The following USP31 variants were observed in gnomAD, a reference collection of about 807,000 sequenced individuals.
The protein encoded by USP31 is ubiquitin specific peptidase 31.
Under a neutral mutation model 119.4 loss-of-function variants are expected in USP31, and 44 were observed. The observed-to-expected ratio is 0.37, with a 90% confidence interval of 0.29 to 0.47. The LOEUF (loss-of-function observed/expected upper bound fraction) is 0.47, where lower values mean the gene tolerates loss of function less well. Among genes scored for constraint, USP31 ranks in the 20% least tolerant of loss-of-function variants. The pLI, the probability that USP31 is intolerant of heterozygous loss-of-function variation, is 0.99. For synonymous variants in USP31, 749 were observed against 705.6 expected (o/e 1.06, Z -0.97); for missense variants, 1,643 against 1,730.2 (o/e 0.95, Z 0.89).
chr16:23,077,278 C>T (rs1364052121), intron 13 of USP31, among the ~76,000 whole-genome samples: 2 of 152,058 alleles, frequency 1.3e-5, no homozygotes, highest in Non-Finnish European at 2.9e-5. Context: ...TTGCTGCCTG[C>T]AGCATTTAAA....
chr16:23,091,942 T>A (rs1382188928), intron 6 of USP31, among the ~76,000 whole-genome samples: 1 of 152,192 alleles, frequency 6.6e-6, no homozygotes, highest in Non-Finnish European at 1.5e-5. Flanking sequence ...TAAACTCGTT[T>A]CCCAGGTTCT....
chr16:23,123,998 CAA>C (rs1383283115), intron 1 of USP31, among the ~76,000 whole-genome samples: 1 of 132,984 alleles, frequency 7.5e-6, no homozygotes. Context: ...GATTCTATCT[CAA>C]AAAAAAAAAG....
rs180742195 is a variant in USP31, at chr16:23,088,657, T to C, written c.1416-822A>G. Reference sequence around the variant, plus strand: ...ACCCTTCTGAGTCTAGGCTGTCTCCTACTCACTCATGTGAAGACCCAGTGG... The same window carrying C: ...ACCCTTCTGAGTCTAGGCTGTCTCCCACTCACTCATGTGAAGACCCAGTGG... On this transcript the variant is annotated intron_variant, in intron 7 of 15. Transcript: ENST00000219689. Among the ~76,000 whole-genome samples the C allele has an allele frequency of 5.3e-5, 8 of 152,316 alleles. No homozygotes were observed. In the East Asian group the frequency reaches 1.2e-3, roughly 22 times the overall value.
rs545242222 is a variant in USP31 at position 23,115,764 on chromosome 16, C to T, written c.634-7581G>A. ...ATAAAGTAAAAGGCAAAACACTTAC[C>T]GGGTTTTCAAGTTTCACAAAATTTC... is the stretch of plus-strand genomic sequence containing the variant. On this transcript the variant is annotated intron_variant, in intron 1 of 15. Coordinates refer to ENST00000219689, the MANE Select transcript of USP31 (RefSeq NM_020718.4). 104 of 984,254 alleles carry T rather than the reference C, an allele frequency of 1.1e-4. 1 individual carries two copies. The Middle Eastern group carries it at 1.6e-3, about 15-fold the overall frequency. 61.0% of individuals were successfully genotyped at this position (984,254 alleles called of 1,614,324 possible). A position where few individuals can be genotyped will look rare whatever the true frequency, so the allele number is the denominator to read the frequency against.
intron 13 of USP31, among the ~76,000 whole-genome samples, chr16:23,074,953 T>A (rs1900500005): frequency 6.6e-6 from 1 of 152,122 alleles, no homozygotes; most frequent in Non-Finnish European, 1.5e-5. Context: ...TGGAACAGAC[T>A]CAGGATGGCC....
chr16:23,069,274 A>T lies in USP31; in HGVS notation c.2831T>A (p.Val944Asp). 6.2e-7 allele frequency: 1 copy of T among 1,613,186 alleles called. No individual in the cohort carries two copies. Among genetic ancestry groups the T allele is most frequent in the Non-Finnish European group, 8.5e-7 (1 of 1,179,538 alleles). ...HKAVGRAPLA[V>D]MEGVFKDESD... ...TTCGTCTTTGAACACGCCTTCCATG[A>T]CAGCCAGAGGGGCCCGGCCCACAGC... The change falls in exon 16 of 16, where the codon GTC (valine) becomes GAC (aspartate). Residue 944 changes from valine (V) to aspartate (D), a missense_variant. Coordinates refer to ENST00000219689, the MANE Select transcript of USP31 (RefSeq NM_020718.4).
intron 1 of USP31, among the ~76,000 whole-genome samples, chr16:23,144,590 G>C (rs560999270): frequency 6.6e-6 from 1 of 151,738 alleles, no homozygotes; most frequent in African/African-American, 2.4e-5. Context: ...AGAGATTCTC[G>C]TGCCTCAGCC....
intron 6 of USP31, among the ~76,000 whole-genome samples, chr16:23,098,479 A>AGTTCATATGGAACCAAAAAAGCCCG (rs1261243269): frequency 2.6e-5 from 4 of 152,210 alleles, no homozygotes; most frequent in African/African-American, 9.7e-5. Flanking sequence ...ACTACTTCAA[A>AGTTCATATGGAACCAAAAAAGCCCG]GTTCATATGG....
At chr16:23,071,986 G>A (rs1900365057) in intron 15 of USP31, 59 bp downstream of exon 15, 1 of 1,554,296 alleles carries the variant, frequency 6.4e-7, no homozygotes, top group Non-Finnish European at 8.7e-7. Context: ...AAACACGAGG[G>A]ACTCTGCTGT....
chr16:23,087,062 A>G, intron 9 of USP31, 30 bp downstream of exon 9: 1 of 1,543,868 alleles, frequency 6.5e-7, no homozygotes. Flanking sequence ...TGAGATTCTA[A>G]AAGGTAATTT....
intron 12 of USP31, among the ~76,000 whole-genome samples, chr16:23,081,041 T>C (rs1375612665): frequency 6.6e-6 from 1 of 152,066 alleles, no homozygotes; most frequent in Non-Finnish European, 1.5e-5. Flanking sequence ...ATTGCAACAG[T>C]GACCAGCTGA....
rs374361058 is a variant in USP31, at chr16:23,068,787, G to A, written c.3318C>T (p.Ser1106=). ...KKESSPKSQD[S]VSSPSPQKQK... ...GCTTCTGTGGCGAAGGAGATGACAC[G>A]GAGTCCTGAGATTTCGGGGATGACT... Residue 1106 remains serine (S), a synonymous_variant, in exon 16 of 16, where the codon TCC becomes TCT. Coordinates refer to ENST00000219689, the MANE Select transcript of USP31 (RefSeq NM_020718.4). The A allele has an allele frequency of 4.6e-5, 72 of 1,568,658 alleles. No individual in the cohort carries two copies. Among genetic ancestry groups the A allele is most frequent in the Admixed American group, 7.5e-5 (4 of 53,458 alleles).
chr16:23,146,220 A>C (rs949456225), intron 1 of USP31, among the ~76,000 whole-genome samples: 2 of 131,926 alleles, frequency 1.5e-5, no homozygotes, highest in Non-Finnish European at 3.2e-5. Context: ...AATTGTAAGC[A>C]AAGAGGGGCA....
intron 1 of USP31, among the ~76,000 whole-genome samples, chr16:23,142,548 G>A (rs958429555): frequency 6.6e-6 from 1 of 152,202 alleles, no homozygotes; most frequent in Non-Finnish European, 1.5e-5. Flanking sequence ...TTGTGCACCA[G>A]CAGTGCAGGG....
intron 1 of USP31, among the ~76,000 whole-genome samples, chr16:23,110,866 C>T (rs1051193665): frequency 6.6e-6 from 1 of 152,178 alleles, no homozygotes; most frequent in Non-Finnish European, 1.5e-5. Flanking sequence ...CAGTGGCTCA[C>T]ACCTGTAATC....
intron 15 of USP31, among the ~76,000 whole-genome samples, chr16:23,070,483 G>A (rs776946867): frequency 3.9e-5 from 6 of 152,168 alleles, no homozygotes; most frequent in African/African-American, 4.8e-5. Flanking sequence ...GGAGGCTGAG[G>A]TGGGCAGATC....
At chr16:23,123,082 G>A (rs1902727930) in intron 1 of USP31, among the ~76,000 whole-genome samples, 1 of 152,158 alleles carries the variant, frequency 6.6e-6, no homozygotes, top group African/African-American at 2.4e-5. Flanking sequence ...CTAATGGATG[G>A]TGTTAGAAGA....
Position 23,084,933 on chromosome 16 carries a change from T to C in USP31, c.1757A>G (p.Gln586Arg), listed in dbSNP as rs745975320. 6.2e-7 allele frequency: 1 copy of C among 1,614,148 alleles called. No homozygotes were observed. The highest frequency in any genetic ancestry group is 8.5e-7 in the Non-Finnish European group (1 of 1,180,026). The change falls in exon 11 of 16, where the codon CAA (glutamine) becomes CGA (arginine). Residue 586 changes from glutamine to arginine, a missense_variant. Gln to Arg is a conservative substitution (Grantham distance 43). Transcript: ENST00000219689. ...TTGAGGCTGATGATGACGCTCCCTTTGCAGACGAACACTTTCTGCATCAGG... is the reference window on the plus strand; with the variant it reads ...TTGAGGCTGATGATGACGCTCCCTTCGCAGACGAACACTTTCTGCATCAGG... ...YIPDAESVRLQRERHHQPQTC... is the reference protein window; with the variant it reads ...YIPDAESVRLRRERHHQPQTC...
chr16:23,082,823 TTCTC>T (rs1250637291), intron 11 of USP31, among the ~76,000 whole-genome samples: 47 of 142,266 alleles, frequency 3.3e-4, no homozygotes, highest in Middle Eastern at 3.5e-3. Context: ...GTTACTTTCT[TTCTC>T]TCTCTTTTTT....
Sources: allele counts gnomAD v4.1 joint callset (sites outside exome capture counted in the v4.1 genomes callset), GRCh38; gene constraint gnomAD v4.1.1; transcripts MANE v1.5; gene names NCBI Gene and HGNC (gene_info 2026-07-23, HGNC 2026-07-21).